OSBPL1A: variants seen among roughly 807,000 people sequenced by gnomAD.
The protein encoded by OSBPL1A is oxysterol binding protein like 1A.
In OSBPL1A, 80 loss-of-function variants were observed where a neutral mutation model predicts 137.1. The observed-to-expected ratio is 0.58, with a 90% CI of 0.49 to 0.70. The LOEUF (loss-of-function observed/expected upper bound fraction) is 0.70. Ranked by LOEUF, OSBPL1A falls within the 30% of genes least tolerant of loss-of-function variation. The pLI, the probability that OSBPL1A is intolerant of heterozygous loss-of-function variation, is 0.00. For missense variants in OSBPL1A, 970 were observed against 1,129.4 expected (o/e 0.86, Z 2.02); for synonymous variants, 365 against 389.7 (o/e 0.94, Z 0.75).
At chr18:24,380,151 C>T (rs9955890) in intron 1 of OSBPL1A, among the ~76,000 whole-genome samples, 294 of 152,226 alleles carry the variant, frequency 1.9e-3, no homozygotes, top group African/African-American at 6.5e-3. Context: ...TATAACCAGC[C>T]AATCAAAAGT....
chr18:24,185,523 G>A (rs1178510031), intron 18 of OSBPL1A, among the ~76,000 whole-genome samples: 6 of 151,968 alleles, frequency 3.9e-5, no homozygotes, highest in African/African-American at 7.2e-5. Flanking sequence ...GTTTCACCAC[G>A]TTGGCAAGGC....
At chr18:24,342,168 GCATTAT>G (rs1323130503) in intron 4 of OSBPL1A, among the ~76,000 whole-genome samples, 1 of 152,160 alleles carries the variant, frequency 6.6e-6, no homozygotes, top group African/African-American at 2.4e-5. Context: ...TTATAATGAA[GCATTAT>G]CATTAAGCAT....
intron 15 of OSBPL1A, among the ~76,000 whole-genome samples, chr18:24,279,076 A>G (rs1159077145): frequency 1.3e-5 from 2 of 151,400 alleles, no homozygotes; most frequent in Non-Finnish European, 3.0e-5. Flanking sequence ...CTCCAAATAA[A>G]TTAATATGTA....
At chr18:24,180,120 A>C (rs1045087152) in intron 19 of OSBPL1A, among the ~76,000 whole-genome samples, 1 of 152,252 alleles carries the variant, frequency 6.6e-6, no homozygotes, top group African/African-American at 2.4e-5. Context: ...CTCAAGTCCA[A>C]AGTTACTTTT....
At chr18:24,199,451 G>A (rs1042374253) in intron 17 of OSBPL1A, among the ~76,000 whole-genome samples, 6 of 151,804 alleles carry the variant, frequency 4.0e-5, no homozygotes, top group Admixed American at 2.6e-4. Context: ...ACTGATTGAC[G>A]TGACATAAGG....
At chr18:24,181,026 G>A in intron 19 of OSBPL1A, 119 bp downstream of exon 19, 1 of 1,246,338 alleles carries the variant, frequency 8.0e-7, no homozygotes, top group South Asian at 1.5e-5. Context: ...ACTGAGCTTT[G>A]ATAAAATTGC....
chr18:24,171,322 G>A (rs2086280446), intron 23 of OSBPL1A, 87 bp downstream of exon 23: 2 of 1,046,866 alleles, frequency 1.9e-6, no homozygotes, highest in Non-Finnish European at 1.4e-6. Context: ...GTGAGCCACT[G>A]TGCCCAGCCG....
chr18:24,375,036 T>G (rs1292717779), intron 2 of OSBPL1A, among the ~76,000 whole-genome samples: 1 of 152,004 alleles, frequency 6.6e-6, no homozygotes, highest in East Asian at 1.9e-4. Flanking sequence ...AAAGTATGGC[T>G]AGATGCAATG....
intron 7 of OSBPL1A, among the ~76,000 whole-genome samples, chr18:24,330,488 T>C: frequency 6.7e-6 from 1 of 150,166 alleles, no homozygotes; most frequent in Admixed American, 6.6e-5. Context: ...GATAAAACTT[T>C]TTTTTTTTTT....
At position 24,341,649 on chromosome 18, in the gene OSBPL1A, T is replaced by C. The variant is rs764913545; in HGVS notation, c.292A>G (p.Met98Val). 1.9e-6 allele frequency: 3 copies of C among 1,594,110 alleles called. No homozygotes were observed. The highest frequency in any genetic ancestry group is 2.2e-5 in the South Asian group (2 of 89,020). The change falls in exon 5 of 28, where the codon ATG becomes GTG. Residue 98 changes from methionine (M) to valine (V), a missense_variant. Met to Val is a conservative substitution (Grantham distance 21). Transcript: ENST00000319481. ...TCAGCATTATATTCTAAGAGAAGCA[T>C]TACCAACTCCTAAAAATCAGAGAAT... ...AAFTGRKELV[M>V]LLLEYNADTT...
At chr18:24,276,319 T>C (rs1175141349) in intron 15 of OSBPL1A, among the ~76,000 whole-genome samples, 1 of 152,210 alleles carries the variant, frequency 6.6e-6, no homozygotes, top group African/African-American at 2.4e-5. Flanking sequence ...CACATTCTGT[T>C]ATACTGTTTC....
intron 15 of OSBPL1A, among the ~76,000 whole-genome samples, chr18:24,242,557 C>A (rs79003754): frequency 0.024 from 3,631 of 152,224 alleles, 134 homozygotes; most frequent in African/African-American, 0.082. Context: ...TGTTCTGTGG[C>A]CCTGAGTTCC....
intron 16 of OSBPL1A, among the ~76,000 whole-genome samples, chr18:24,230,396 C>CA (rs1599532043): frequency 1.3e-5 from 2 of 152,100 alleles, no homozygotes; most frequent in East Asian, 3.8e-4. Flanking sequence ...CAAAAAGGGT[C>CA]ACGTTGGAAA....
chr18:24,242,061 G>A (rs2146013570), intron 15 of OSBPL1A, among the ~76,000 whole-genome samples: 1 of 151,698 alleles, frequency 6.6e-6, no homozygotes, highest in East Asian at 1.9e-4. Context: ...TCACTCTTAA[G>A]TGGGAGTTGA....
At chr18:24,361,974 G>C (rs2146187471) in intron 4 of OSBPL1A, among the ~76,000 whole-genome samples, 1 of 146,836 alleles carries the variant, frequency 6.8e-6, no homozygotes, top group East Asian at 2.0e-4. Flanking sequence ...TCCAGCCTGG[G>C]TGACAATGGG....
At chr18:24,279,568 A>C (rs2089916047) in intron 15 of OSBPL1A, among the ~76,000 whole-genome samples, 1 of 152,212 alleles carries the variant, frequency 6.6e-6, no homozygotes, top group Non-Finnish European at 1.5e-5. Flanking sequence ...TCTCTAACCA[A>C]AAGGTACAAG....
At chr18:24,259,284 G>T in intron 15 of OSBPL1A, among the ~76,000 whole-genome samples, 1 of 152,100 alleles carries the variant, frequency 6.6e-6, no homozygotes, top group East Asian at 1.9e-4. Flanking sequence ...TCCCTGGAAC[G>T]TGCTCTACTT....
intron 4 of OSBPL1A, among the ~76,000 whole-genome samples, chr18:24,351,528 TTTTGTTTG>T (rs146795519): frequency 5.3e-5 from 8 of 150,936 alleles, no homozygotes; most frequent in African/African-American, 1.7e-4. Context: ...TGCAATTGTT[TTTTGTTTG>T]TTTGTTTGTT....
chr18:24,323,738 C>T (rs2090915637), intron 7 of OSBPL1A, among the ~76,000 whole-genome samples: 1 of 21,244 alleles, frequency 4.7e-5, no homozygotes, highest in East Asian at 4.5e-4. Context: ...TGTGATATTC[C>T]CCTTCCTGTG....
Sources: gnomAD v4.1 joint callset for allele counts (sites outside exome capture counted in the v4.1 genomes callset) on GRCh38, gnomAD v4.1.1 for gene constraint, MANE v1.5 for transcripts, NCBI Gene and HGNC (gene_info 2026-07-23, HGNC 2026-07-21) for gene names.